Variants in RIGI observed in about 807,000 individuals in gnomAD.
RIGI encodes RNA sensor RIG-I.
the RIGI span, among the ~76,000 whole-genome samples, chr9:32,503,590 C>T: frequency 2.6e-5 from 4 of 152,186 alleles, no homozygotes; most frequent in Admixed American, 2.6e-4. Context: ...CTGTCTTCCA[C>T]CTGAAACTGT....
the RIGI span, among the ~76,000 whole-genome samples, chr9:32,475,793 A>C: frequency 6.6e-6 from 1 of 152,132 alleles, no homozygotes; most frequent in Non-Finnish European, 1.5e-5. Flanking sequence ...ACAGGCAAAA[A>C]CCCATAAAAG....
chr9:32,501,602 C>A, the RIGI span, among the ~76,000 whole-genome samples: 3 of 152,110 alleles, frequency 2.0e-5, no homozygotes, highest in African/African-American at 4.8e-5. Flanking sequence ...GTCATTCTAA[C>A]TTTGTACACT....
At chr9:32,515,818 C>T in the RIGI span, among the ~76,000 whole-genome samples, 3 of 152,210 alleles carry the variant, frequency 2.0e-5, no homozygotes, top group African/African-American at 7.2e-5. Flanking sequence ...GGGTTCTCAG[C>T]ATCATTCAGC....
the RIGI span, chr9:32,492,639 G>A: frequency 1.4e-6 from 2 of 1,403,750 alleles, no homozygotes; most frequent in Non-Finnish European, 2.0e-6. Flanking sequence ...CTGATTTAAA[G>A]CCATTGTACA....
the RIGI span, chr9:32,489,432 C>T: frequency 6.2e-7 from 1 of 1,612,620 alleles, no homozygotes; most frequent in Non-Finnish European, 8.5e-7. Flanking sequence ...ATGGGCTGTA[C>T]AAGTTTGTAT....
At chr9:32,524,742 A>G in the RIGI span, among the ~76,000 whole-genome samples, 99 of 151,418 alleles carry the variant, frequency 6.5e-4, no homozygotes, top group Admixed American at 1.1e-3. Context: ...AGCTGGGACT[A>G]CAGGAGTGCA....
the RIGI span, among the ~76,000 whole-genome samples, chr9:32,465,758 TC>T: frequency 6.6e-6 from 1 of 152,200 alleles, no homozygotes; most frequent in Non-Finnish European, 1.5e-5. Context: ...CTGCAATGGG[TC>T]TGGAGAAAGT....
chr9:32,468,322 C>T, the RIGI span, among the ~76,000 whole-genome samples: 1 of 152,316 alleles, frequency 6.6e-6, no homozygotes, highest in East Asian at 1.9e-4. Context: ...CTCACCAGAG[C>T]ATCATAAAGC....
the RIGI span, among the ~76,000 whole-genome samples, chr9:32,502,337 C>T: frequency 7.2e-5 from 11 of 152,128 alleles, no homozygotes; most frequent in Admixed American, 2.6e-4. Flanking sequence ...TTTTATGTGA[C>T]GATGTATATA....
chr9:32,491,475 A>G, the RIGI span: 1 of 1,438,360 alleles, frequency 7.0e-7, no homozygotes, highest in Non-Finnish European at 9.4e-7. Flanking sequence ...TATAGTTTTG[A>G]TGGTGAAAGC....
At chr9:32,476,499 C>T in the RIGI span, among the ~76,000 whole-genome samples, 20 of 151,230 alleles carry the variant, frequency 1.3e-4, no homozygotes, top group Middle Eastern at 3.4e-3. Flanking sequence ...AGTGAGACCC[C>T]GTCTCTAAGT....
chr9:32,460,409 A>G, the RIGI span, among the ~76,000 whole-genome samples: 4 of 152,190 alleles, frequency 2.6e-5, no homozygotes, highest in Admixed American at 2.6e-4. Context: ...GGCTAAGAAC[A>G]TGGTCCAACT....
chr9:32,522,484 C>G, the RIGI span, among the ~76,000 whole-genome samples: 511 of 152,174 alleles, frequency 3.4e-3, no homozygotes, highest in African/African-American at 7.6e-3. Context: ...ACTGAAATGG[C>G]CTTGTGAGAG....
the RIGI span, among the ~76,000 whole-genome samples, chr9:32,483,803 C>G: frequency 1.3e-5 from 2 of 151,998 alleles, no homozygotes; most frequent in African/African-American, 4.8e-5. Context: ...CAGCATTCTA[C>G]AGGACTAATG....
At chr9:32,472,787 A>G in the RIGI span, among the ~76,000 whole-genome samples, 2 of 152,212 alleles carry the variant, frequency 1.3e-5, no homozygotes, top group Non-Finnish European at 2.9e-5. Flanking sequence ...ATATATGTAT[A>G]ATCACCTACT....
At chr9:32,489,377 T>C in the RIGI span, 2 of 1,613,436 alleles carry the variant, frequency 1.2e-6, no homozygotes, top group Admixed American at 1.7e-5. Flanking sequence ...TTTTTTCCTT[T>C]CATAGCAGGC....
At chr9:32,465,959 G>A in the RIGI span, among the ~76,000 whole-genome samples, 1 of 152,172 alleles carries the variant, frequency 6.6e-6, no homozygotes, top group South Asian at 2.1e-4. Context: ...GCTTTTCTCT[G>A]AGGACTCTTT....
At chr9:32,460,904 C>T in the RIGI span, among the ~76,000 whole-genome samples, 1 of 152,102 alleles carries the variant, frequency 6.6e-6, no homozygotes, top group Non-Finnish European at 1.5e-5. Flanking sequence ...CCAAATATAT[C>T]CCAAATTTAA....
chr9:32,520,867 C>T, the RIGI span, among the ~76,000 whole-genome samples: 2 of 135,402 alleles, frequency 1.5e-5, no homozygotes, highest in African/African-American at 2.6e-5. Context: ...TGACTCAGGC[C>T]GGGTGTGGTG....
Sources: gnomAD v4.1 joint callset for allele counts (sites outside exome capture counted in the v4.1 genomes callset) on GRCh38, gnomAD v4.1.1 for gene constraint, MANE v1.5 for transcripts, NCBI Gene and HGNC (gene_info 2026-07-23, HGNC 2026-07-21) for gene names.